Variants in WDFY3 observed in about 807,000 individuals in gnomAD.
WDFY3 encodes WD repeat and FYVE domain-containing protein 3.
Under a neutral mutation model 409.6 loss-of-function variants are expected in WDFY3, and 66 were observed. That is an observed-to-expected ratio of 0.16 (90% confidence interval 0.13 to 0.20). The LOEUF is 0.20. Ranked by LOEUF, WDFY3 falls within the 10% of genes least tolerant of loss-of-function variation. WDFY3 has a pLI of 1.00. For synonymous variants in WDFY3, 1,521 were observed against 1,537.1 expected, an observed-to-expected ratio of 0.99 and a Z score of 0.25; for missense variants, 3,031 against 4,298.1, an observed-to-expected ratio of 0.71 and a Z score of 8.24.
chr4:84,795,059 A>G (rs1272025215), intron 19 of WDFY3, 80 bp from the exon 20 acceptor site: 1 of 964,716 alleles, frequency 1.0e-6, no homozygotes, highest in Admixed American at 3.7e-5. Flanking sequence ...CAGTGAAATA[A>G]CTGCCAGTAT....
At chr4:84,874,863 A>G (rs1253839686) in intron 3 of WDFY3, among the ~76,000 whole-genome samples, 1 of 152,178 alleles carries the variant, frequency 6.6e-6, no homozygotes, top group Admixed American at 6.5e-5. Flanking sequence ...ACATACAAAA[A>G]CCTAGATGGT....
intron 14 of WDFY3, 83 bp from the exon 15 acceptor site, chr4:84,808,500 A>G: frequency 9.0e-7 from 1 of 1,108,582 alleles, no homozygotes; most frequent in Non-Finnish European, 1.4e-6. Context: ...GTTTCACAAG[A>G]AATGCCAGTA....
intron 1 of WDFY3, among the ~76,000 whole-genome samples, chr4:84,932,720 A>G (rs944810134): frequency 1.3e-5 from 2 of 152,154 alleles, no homozygotes; most frequent in African/African-American, 4.8e-5. Context: ...TTTGTATATC[A>G]CAGACCACAC....
intron 58 of WDFY3, among the ~76,000 whole-genome samples, chr4:84,694,262 C>T (rs574737849): frequency 7.9e-5 from 12 of 152,250 alleles, no homozygotes; most frequent in African/African-American, 2.2e-4. Flanking sequence ...AGCACTTTTA[C>T]GTGAGGACCT....
chr4:84,795,850 C>T (rs1217567152), intron 19 of WDFY3, among the ~76,000 whole-genome samples: 1 of 151,512 alleles, frequency 6.6e-6, no homozygotes, highest in Non-Finnish European at 1.5e-5. Context: ...GGCTGTTGAA[C>T]TTCATGAATT....
chr4:84,687,572 C>T (rs911843431), intron 62 of WDFY3, among the ~76,000 whole-genome samples: 6 of 152,178 alleles, frequency 3.9e-5, no homozygotes, highest in African/African-American at 1.4e-4. Flanking sequence ...GATTTTAAGA[C>T]AAAACTGCTC....
At chr4:84,868,419 C>A (rs1040994897) in intron 3 of WDFY3, among the ~76,000 whole-genome samples, 3 of 151,874 alleles carry the variant, frequency 2.0e-5, no homozygotes, top group Admixed American at 6.6e-5. Context: ...TACATATAGT[C>A]CTGAATTAGA....
chr4:84,800,805 A>G (rs890736112), intron 17 of WDFY3, among the ~76,000 whole-genome samples: 5 of 152,184 alleles, frequency 3.3e-5, no homozygotes, highest in Non-Finnish European at 5.9e-5. Context: ...TTGCATGCAC[A>G]GTTCACAATA....
chr4:84,681,575 T>C (rs1727356996), intron 64 of WDFY3, among the ~76,000 whole-genome samples: 1 of 152,192 alleles, frequency 6.6e-6, no homozygotes, highest in African/African-American at 2.4e-5. Context: ...TTGTGTCCTT[T>C]TGCTAAGTTT....
At chr4:84,696,703 A>G in intron 57 of WDFY3, 29 bp downstream of exon 57, 1 of 1,604,586 alleles carries the variant, frequency 6.2e-7, no homozygotes, top group Non-Finnish European at 8.5e-7. Context: ...ATGAAATTCA[A>G]CTTCAATTGT....
intron 3 of WDFY3, among the ~76,000 whole-genome samples, chr4:84,864,382 A>AG (rs1172757982): frequency 2.0e-5 from 3 of 151,716 alleles, no homozygotes; most frequent in Non-Finnish European, 4.4e-5. Context: ...AAAAAAAAAA[A>AG]AAAAAAAGAA....
chr4:84,848,160 G>A, intron 5 of WDFY3, among the ~76,000 whole-genome samples: 1 of 151,470 alleles, frequency 6.6e-6, no homozygotes, highest in Admixed American at 6.6e-5. Context: ...AGTTCAATGA[G>A]TACCCAGCAC....
chr4:84,897,939 A>G (rs760714108), intron 2 of WDFY3, among the ~76,000 whole-genome samples: 1 of 152,238 alleles, frequency 6.6e-6, no homozygotes, highest in Admixed American at 6.5e-5. Context: ...GATACAATTA[A>G]CTACTGCTTG....
chr4:84,763,423 C>CA (rs35050357), intron 32 of WDFY3, among the ~76,000 whole-genome samples: 58,854 of 151,698 alleles, frequency 0.39, 11,643 homozygotes, highest in East Asian at 0.49. Flanking sequence ...GACAAATACC[C>CA]AATGCATGTG....
rs780736266 is a variant in WDFY3, at chr4:84,826,835, A to T, written c.1103T>A (p.Val368Glu). 7 of 1,608,864 alleles carry T rather than the reference A, an allele frequency of 4.4e-6. No homozygotes were observed. Among genetic ancestry groups the T allele is most frequent in the Non-Finnish European group, 5.9e-6 (7 of 1,178,818 alleles). Residue 368 changes from valine (V) to glutamate (E), a missense_variant, in exon 10 of 68, where the codon GTA (valine) becomes GAA (glutamate). Physicochemically the swap from Val to Glu is moderately radical, Grantham distance 121. Coordinates refer to ENST00000295888, the MANE Select transcript of WDFY3 (RefSeq NM_014991.6). ...GAPFLLPGFA[V>E]PQPAGKGHSV... ...CTCACCTTTGCCTGCAGGCTGAGGT[A>T]CTGCAAATCCAGGCAATAAAAAGGG...
chr4:84,844,519 A>G, intron 5 of WDFY3: 1 of 1,289,720 alleles, frequency 7.8e-7, no homozygotes, highest in Non-Finnish European at 1.0e-6. Context: ...TCTGTTTAAA[A>G]AAAAAGGCTG....
intron 7 of WDFY3, among the ~76,000 whole-genome samples, chr4:84,832,988 G>C (rs1755972464): frequency 6.6e-6 from 1 of 151,856 alleles, no homozygotes; most frequent in African/African-American, 2.4e-5. Flanking sequence ...ACAAGTAATA[G>C]AGGATATTAG....
At chr4:84,748,504 G>C (rs1202772910) in intron 36 of WDFY3, among the ~76,000 whole-genome samples, 1 of 152,062 alleles carries the variant, frequency 6.6e-6, no homozygotes, top group African/African-American at 2.4e-5. Context: ...ATTCTCTAGA[G>C]AATGAATTTA....
intron 1 of WDFY3, among the ~76,000 whole-genome samples, chr4:84,957,123 T>TTA (rs1774332675): frequency 6.6e-6 from 1 of 151,930 alleles, no homozygotes; most frequent in Non-Finnish European, 1.5e-5. Flanking sequence ...AACTCAGTCA[T>TTA]AAGCATTAAA....
Sources: gnomAD v4.1 joint callset for allele counts (sites outside exome capture counted in the v4.1 genomes callset) on GRCh38, gnomAD v4.1.1 for gene constraint, MANE v1.5 for transcripts, NCBI Gene and HGNC (gene_info 2026-07-23, HGNC 2026-07-21) for gene names.